COMMD8: variants seen among roughly 807,000 people sequenced by gnomAD.
The protein encoded by COMMD8 is COMM domain-containing protein 8.
COMMD8 carries 28 observed loss-of-function variants against 27.2 expected under a neutral mutation model. That is an observed-to-expected ratio of 1.03 (90% CI 0.76 to 1.41). COMMD8 has a LOEUF of 1.41. COMMD8 is among the 40% of genes most tolerant of loss of function. COMMD8 has a pLI of 0.00. For synonymous variants in COMMD8, 79 were observed against 75.5 expected (o/e 1.05, Z -0.24); for missense variants, 217 against 211.2 (o/e 1.03, Z -0.17).
At chr4:47,459,155 C>G (rs1729959464) in intron 2 of COMMD8, among the ~76,000 whole-genome samples, 1 of 152,052 alleles carries the variant, frequency 6.6e-6, no homozygotes. Flanking sequence ...CAAAGTAGAT[C>G]TGTTAAATTT....
At chr4:47,461,700 A>G (rs1243713928) in intron 1 of COMMD8, among the ~76,000 whole-genome samples, 1 of 152,226 alleles carries the variant, frequency 6.6e-6, no homozygotes, top group Non-Finnish European at 1.5e-5. Context: ...CAAAGAAACT[A>G]TAATAGCTAC....
rs540344142 is a variant in COMMD8 at position 47,455,416 on chromosome 4, GATTA to G, written c.375+1157_375+1160del. Among the ~76,000 whole-genome samples, 910 of 152,208 alleles carry G rather than the reference GATTA, an allele frequency of 6.0e-3. 4 individuals carry two copies. The highest frequency in any genetic ancestry group is 9.2e-3 in the Non-Finnish European group (629 of 68,008). Reference sequence around the variant, plus strand: ...TAAAAATCCTCTGTTTAGGTTGCCTGATTAATTTATTTTGCTTCATTTGGTCACT... The same window carrying G: ...TAAAAATCCTCTGTTTAGGTTGCCTGATTTATTTTGCTTCATTTGGTCACT... On this transcript the variant is annotated intron_variant, in intron 3 of 4. Coordinates refer to ENST00000381571, the MANE Select transcript of COMMD8 (RefSeq NM_017845.5).
intron 3 of COMMD8, among the ~76,000 whole-genome samples, chr4:47,456,267 C>CATATATATATATATATATATAT (rs34279197): frequency 8.4e-6 from 1 of 119,018 alleles, no homozygotes; most frequent in East Asian, 2.9e-4. Context: ...ATAAATTATA[C>CATATATATATATATATATATAT]ATATATATAT....
In COMMD8 at chr4:47,463,546, T is replaced by C. The variant is rs1370976171; in HGVS notation, c.66+40A>G. ...GATCCGCACGCCGGGCTGTCGCGAATCCCAGGCCCCGCGCCGCTTCCCCCG... is the reference window on the plus strand; with the variant it reads ...GATCCGCACGCCGGGCTGTCGCGAACCCCAGGCCCCGCGCCGCTTCCCCCG... On this transcript the variant is annotated intron_variant, in intron 1 of 4. Transcript: ENST00000381571. 2.1e-5 allele frequency: 32 copies of C among 1,530,336 alleles called. No individual in the cohort carries two copies. In the South Asian group the frequency reaches 3.6e-4, roughly 17 times the overall value. The allele number at this position is 1,530,336 out of a possible 1,614,324, so 94.8% of individuals were successfully genotyped here.
rs921338535 is a variant in COMMD8, at chr4:47,457,823, T to C, written c.223-1094A>G. On this transcript the variant is annotated intron_variant, in intron 2 of 4. Transcript: ENST00000381571. ...AGAATAAAACTTAACACCTTGACAATAGTATTATAGGGAGGAAAAGAAAAA... is the reference window on the plus strand; with the variant it reads ...AGAATAAAACTTAACACCTTGACAACAGTATTATAGGGAGGAAAAGAAAAA... Among the ~76,000 whole-genome samples the C allele has an allele frequency of 2.3e-4, 34 of 144,808 alleles. 1 individual carries two copies. The highest frequency in any genetic ancestry group is 3.2e-4 in the Non-Finnish European group (21 of 66,512). 95.0% of individuals were successfully genotyped at this position (144,808 alleles called of 152,430 possible).
Position 47,451,449 on chromosome 4 carries a change from TATGC to T in COMMD8, c.*192_*195del. On this transcript the variant is annotated 3_prime_UTR_variant, in exon 5 of 5. Transcript: ENST00000381571. ...ACTATAGATTTTTCATCTTTCATTT[TATGC>T]ATTTCCTCTCAACCATGTAATTTCC... The T allele has an allele frequency of 2.0e-6, 1 of 492,324 alleles. No individual in the cohort carries two copies. The allele number at this position is 492,324 out of a possible 1,614,324, so 30.5% of individuals were successfully genotyped here.
At chr4:47,458,019 A>T (rs570392457) in intron 2 of COMMD8, among the ~76,000 whole-genome samples, 1 of 152,220 alleles carries the variant, frequency 6.6e-6, no homozygotes, top group East Asian at 1.9e-4. Context: ...CATGAACAAA[A>T]TAGAGAAGAA....
Position 47,451,604 on chromosome 4 carries a change from G to T in COMMD8, c.*41C>A. ...AGTATTCACTCTGCCATATAAGTTGGAGCAATAAAATCTGATAGGACTGGT... is the reference window on the plus strand; with the variant it reads ...AGTATTCACTCTGCCATATAAGTTGTAGCAATAAAATCTGATAGGACTGGT... On this transcript the variant is annotated 3_prime_UTR_variant, in exon 5 of 5. Transcript: ENST00000381571. 1 of 1,545,726 alleles carries T rather than the reference G, an allele frequency of 6.5e-7. No homozygotes were observed. Among genetic ancestry groups the T allele is most frequent in the South Asian group, 1.1e-5 (1 of 88,482 alleles).
Position 47,453,169 on chromosome 4 carries a change from A to C in COMMD8, c.421T>G (p.Leu141Val), listed in dbSNP as rs747456252. The change falls in exon 4 of 5, where the codon TTA becomes GTA. Residue 141 changes from leucine (L) to valine (V), a missense_variant. Physicochemically the swap from Leu to Val is conservative, Grantham distance 32. Transcript: ENST00000381571. ...DKIAALRMPLLSLHLDVKENG... is the reference protein window; with the variant it reads ...DKIAALRMPLVSLHLDVKENG... ...TCTTTTACATCTAGATGCAGGCTTA[A>C]AAGTGGCATTCGTAATGCAGCAATC... The C allele has an allele frequency of 6.2e-7, 1 of 1,614,102 alleles. No homozygotes were observed. Among genetic ancestry groups the C allele is most frequent in the East Asian group, 2.2e-5 (1 of 44,872 alleles).
chr4:47,463,672 TG>T lies in COMMD8; in HGVS notation c.-22del. The stretch of plus-strand genomic sequence containing the variant: ...TCCATCCCTGCGCGAAGCTGGGGCT[TG>T]GGTCACGTGTCAAGGCTGGCCGCTT... On this transcript the variant is annotated 5_prime_UTR_variant, in exon 1 of 5. Transcript: ENST00000381571. 1.9e-6 allele frequency: 3 copies of T among 1,544,090 alleles called. No homozygotes were observed. The highest frequency in any genetic ancestry group is 2.6e-6 in the Non-Finnish European group (3 of 1,143,726).
At chr4:47,455,279 G>A (rs190196128) in intron 3 of COMMD8, among the ~76,000 whole-genome samples, 2,322 of 152,226 alleles carry the variant, frequency 0.015, 70 homozygotes, top group African/African-American at 0.053. Flanking sequence ...GCTTCCCAAA[G>A]TGCTGGGATT....
intron 3 of COMMD8, among the ~76,000 whole-genome samples, chr4:47,455,316 TC>T (rs1729860265): frequency 6.6e-6 from 1 of 152,122 alleles, no homozygotes; most frequent in Admixed American, 6.5e-5. Context: ...GTGCCTGGTC[TC>T]CTTTATCTTT....
At chr4:47,455,637 T>A (rs971128041) in intron 3 of COMMD8, among the ~76,000 whole-genome samples, 9 of 152,312 alleles carry the variant, frequency 5.9e-5, no homozygotes, top group Admixed American at 5.2e-4. Flanking sequence ...TGGTTATTTA[T>A]CCAATTATGA....
At position 47,463,675 on chromosome 4, in the gene COMMD8, G is replaced by A. The variant is rs1206795005; in HGVS notation, c.-24C>T. ...ATCCCTGCGCGAAGCTGGGGCTTGG[G>A]TCACGTGTCAAGGCTGGCCGCTTGT... On this transcript the variant is annotated 5_prime_UTR_variant, in exon 1 of 5. Coordinates refer to ENST00000381571, the MANE Select transcript of COMMD8 (RefSeq NM_017845.5). The A allele has an allele frequency of 6.5e-7, 1 of 1,543,316 alleles. No homozygotes were observed. Among genetic ancestry groups the A allele is most frequent in the Non-Finnish European group, 8.7e-7 (1 of 1,143,330 alleles).
intron 3 of COMMD8, among the ~76,000 whole-genome samples, chr4:47,456,262 TTATACATATATATATATATATATATATA>T (rs1729882019): frequency 1.2e-5 from 1 of 80,850 alleles, no homozygotes; most frequent in African/African-American, 4.1e-5. Context: ...AATAAATAAA[TTATACATATATATATATATATATATATA>T]TATATATATA....
chr4:47,457,819 A>C (rs563204891), intron 2 of COMMD8, among the ~76,000 whole-genome samples: 1 of 151,494 alleles, frequency 6.6e-6, no homozygotes, highest in South Asian at 2.1e-4. Flanking sequence ...TAACACCTTG[A>C]CAATAGTATT....
Position 47,460,275 on chromosome 4 carries a change from T to C in COMMD8, c.91A>G (p.Ile31Val), listed in dbSNP as rs1276554117. ...TACACAGGATAAGCTCGACCACAAA[T>C]GCCATCAATTATTTTGTGAAGAAGC... ...PQLLHKIIDG[I>V]CGRAYPVYQD... Residue 31 changes from isoleucine (I) to valine (V), a missense_variant, in exon 2 of 5, where the codon ATT becomes GTT. Physicochemically the swap from Ile to Val is conservative, Grantham distance 29. Coordinates refer to ENST00000381571, the MANE Select transcript of COMMD8 (RefSeq NM_017845.5). 2 of 1,610,988 alleles carry C rather than the reference T, an allele frequency of 1.2e-6. No homozygotes were observed. The highest frequency in any genetic ancestry group is 1.1e-5 in the South Asian group (1 of 90,182).
At chr4:47,460,038 T>C in intron 2 of COMMD8, 106 bp downstream of exon 2, 1 of 866,816 alleles carries the variant, frequency 1.2e-6, no homozygotes, top group Non-Finnish European at 1.7e-6. Context: ...TATAAGGTAT[T>C]TGTTGTTACT....
intron 1 of COMMD8, among the ~76,000 whole-genome samples, chr4:47,460,876 C>T (rs532285694): frequency 2.4e-4 from 37 of 152,232 alleles, no homozygotes; most frequent in Non-Finnish European, 3.1e-4. Context: ...TCCTTTCTAT[C>T]CTATTAGTAT....
Sources: gnomAD v4.1 joint callset for allele counts (sites outside exome capture counted in the v4.1 genomes callset) on GRCh38, gnomAD v4.1.1 for gene constraint, MANE v1.5 for transcripts, NCBI Gene and HGNC (gene_info 2026-07-23, HGNC 2026-07-21) for gene names.